The following TRAPPC9 variants were observed in gnomAD, a reference collection of about 807,000 sequenced individuals.
TRAPPC9 encodes trafficking protein particle complex subunit 9.
In TRAPPC9, 83 loss-of-function variants were observed where a neutral mutation model predicts 124.0. The ratio of observed to expected loss-of-function variants is 0.67; its 90% confidence interval spans 0.56 to 0.80. The LOEUF (loss-of-function observed/expected upper bound fraction) is 0.80. Among genes scored for constraint, TRAPPC9 ranks in the 30% least tolerant of loss-of-function variants. The pLI is 0.00. For synonymous variants in TRAPPC9, 638 were observed against 617.5 expected, an observed-to-expected ratio of 1.03 and a Z score of -0.49; for missense variants, 1,302 against 1,508.3, an observed-to-expected ratio of 0.86 and a Z score of 2.27.
intron 17 of TRAPPC9, among the ~76,000 whole-genome samples, chr8:140,194,180 T>A (rs540591491): frequency 2.0e-5 from 3 of 152,128 alleles, no homozygotes; most frequent in African/African-American, 7.2e-5. Flanking sequence ...CCCCTGTCTA[T>A]CTTTTCCGCC....
At chr8:139,834,427 G>T (rs931311760) in intron 21 of TRAPPC9, among the ~76,000 whole-genome samples, 1 of 152,230 alleles carries the variant, frequency 6.6e-6, no homozygotes, top group Non-Finnish European at 1.5e-5. Context: ...TGTTCACCAC[G>T]TGACATGCAC....
intron 9 of TRAPPC9, among the ~76,000 whole-genome samples, chr8:140,316,142 TCAGAATAGAAGAAA>T: frequency 6.6e-6 from 1 of 152,028 alleles, no homozygotes; most frequent in South Asian, 2.1e-4. Flanking sequence ...GACTGTGACA[TCAGAATAGAAGAAA>T]AACTTTCAGG....
At chr8:139,860,600 C>A (rs1828067026) in intron 21 of TRAPPC9, among the ~76,000 whole-genome samples, 1 of 146,374 alleles carries the variant, frequency 6.8e-6, no homozygotes, top group Non-Finnish European at 1.5e-5. Flanking sequence ...CTGTCTGAAG[C>A]CCAAACCTGG....
chr8:140,007,549 C>A (rs372299801), intron 18 of TRAPPC9, among the ~76,000 whole-genome samples: 5 of 151,890 alleles, frequency 3.3e-5, no homozygotes, highest in Non-Finnish European at 7.4e-5. Flanking sequence ...AACAAAGAAA[C>A]GAAGAGAACT....
At chr8:139,994,333 T>C (rs1332785544) in intron 18 of TRAPPC9, among the ~76,000 whole-genome samples, 3 of 152,212 alleles carry the variant, frequency 2.0e-5, no homozygotes, top group Non-Finnish European at 4.4e-5. Context: ...ACTGTGCGCC[T>C]GAGGCACAGA....
At chr8:139,857,535 G>A (rs934909628) in intron 21 of TRAPPC9, among the ~76,000 whole-genome samples, 8 of 152,182 alleles carry the variant, frequency 5.3e-5, no homozygotes, top group East Asian at 3.9e-4. Flanking sequence ...TCCAAGGCCC[G>A]TTCACTCTCA....
chr8:139,885,848 CA>C (rs1451242405), intron 21 of TRAPPC9, 30 bp downstream of exon 21: 1 of 1,548,664 alleles, frequency 6.5e-7, no homozygotes, highest in African/African-American at 1.4e-5. Context: ...CACATCCACC[CA>C]GAATCGATGG....
At position 139,859,444 on chromosome 8, in the gene TRAPPC9, C is replaced by T. The variant is rs538968205; in HGVS notation, c.3055+26435G>A. On this transcript the variant is annotated intron_variant, in intron 21 of 22. Coordinates refer to ENST00000438773, the MANE Select transcript of TRAPPC9 (RefSeq NM_001160372.4). Reference sequence around the variant, plus strand: ...CTGAATTTCTGCATAATAAAGTTCACGCTTCCAGAAATAGCAGAGGCATCT... The same window carrying T: ...CTGAATTTCTGCATAATAAAGTTCATGCTTCCAGAAATAGCAGAGGCATCT... 3.3e-5 allele frequency among the ~76,000 whole-genome samples: 5 copies of T among 152,292 alleles called. No homozygotes were observed. In the South Asian group the frequency reaches 8.3e-4, roughly 25 times the overall value.
chr8:140,297,949 T>C (rs552582475), intron 11 of TRAPPC9, among the ~76,000 whole-genome samples: 1 of 152,336 alleles, frequency 6.6e-6, no homozygotes, highest in East Asian at 1.9e-4. Context: ...AGGGTACTAA[T>C]GGGAACAGGA....
chr8:139,855,804 C>T (rs1037489282), intron 21 of TRAPPC9, among the ~76,000 whole-genome samples: 8 of 152,200 alleles, frequency 5.3e-5, no homozygotes, highest in African/African-American at 1.2e-4. Flanking sequence ...CCACTTGATG[C>T]GTGGTTTATA....
At chr8:139,899,665 T>A (rs1406546525) in intron 20 of TRAPPC9, among the ~76,000 whole-genome samples, 7 of 152,142 alleles carry the variant, frequency 4.6e-5, no homozygotes, top group Non-Finnish European at 1.0e-4. Flanking sequence ...CCCCATCCCA[T>A]CTTCCTTCTC....
rs114869664 is a variant in TRAPPC9, at chr8:140,221,421, A to G, written c.2556+38T>C. 4.1e-3 allele frequency: 6,664 copies of G among 1,613,040 alleles called. 140 individuals are homozygous for G. The African/African-American group carries it at 0.06, about 14-fold the overall frequency. ...CAGAAACGGCTTTGCAGAAGCCCGA[A>G]CGGCACGTGGCAGATGCCGTCTGCC... is the stretch of plus-strand genomic sequence containing the variant. On this transcript the variant is annotated intron_variant, in intron 17 of 22. Transcript: ENST00000438773.
At chr8:140,226,751 A>G (rs1422835069) in intron 16 of TRAPPC9, among the ~76,000 whole-genome samples, 1 of 152,136 alleles carries the variant, frequency 6.6e-6, no homozygotes, top group Non-Finnish European at 1.5e-5. Context: ...ACAGGAACCA[A>G]CTAAAAAACT....
intron 19 of TRAPPC9, among the ~76,000 whole-genome samples, chr8:139,917,167 C>CTTGTTTTTTTTTTT (rs1832194687): frequency 1.0e-5 from 1 of 99,926 alleles, no homozygotes; most frequent in East Asian, 3.4e-4. Context: ...TTATTATTTT[C>CTTGTTTTTTTTTTT]TTTTTTTTTT....
At chr8:140,356,709 A>G (rs1284248204) in intron 9 of TRAPPC9, among the ~76,000 whole-genome samples, 1 of 151,326 alleles carries the variant, frequency 6.6e-6, no homozygotes, top group Non-Finnish European at 1.5e-5. Context: ...TCCCGGGTTC[A>G]AGCGATTCTC....
Position 139,776,231 on chromosome 8 carries a change from C to T in TRAPPC9, c.3056-44029G>A, listed in dbSNP as rs1245793219. Among the ~76,000 whole-genome samples, 5 of 152,164 alleles carry T rather than the reference C, an allele frequency of 3.3e-5. No homozygotes were observed. Among genetic ancestry groups the T allele is most frequent in the Admixed American group, 6.5e-5 (1 of 15,282 alleles). On this transcript the variant is annotated intron_variant, in intron 21 of 22. Coordinates refer to ENST00000438773, the MANE Select transcript of TRAPPC9 (RefSeq NM_001160372.4). The surrounding 1 kb of genome is among the most constrained non-coding windows in gnomAD (Gnocchi z 4.1). ...ATCCTGCAGGCCTCCTGCACAGGGA[C>T]GCCAGGCTGCAGCCTCCCAGTCAGA...
intron 20 of TRAPPC9, among the ~76,000 whole-genome samples, chr8:139,909,636 C>G (rs1205814719): frequency 6.6e-6 from 1 of 152,246 alleles, no homozygotes. Context: ...AAGGAGTCAG[C>G]CATTGATCCA....
intron 17 of TRAPPC9, among the ~76,000 whole-genome samples, chr8:140,082,580 TAA>T (rs1268508253): frequency 6.6e-6 from 1 of 152,210 alleles, no homozygotes; most frequent in Non-Finnish European, 1.5e-5. Context: ...TAAAGGAATA[TAA>T]ATGACTGAAT....
At chr8:139,988,261 C>G (rs750219445) in intron 19 of TRAPPC9, among the ~76,000 whole-genome samples, 1 of 151,906 alleles carries the variant, frequency 6.6e-6, no homozygotes, top group Admixed American at 6.6e-5. Context: ...AACAGGCATG[C>G]ACCACCATGC....
Sources: allele counts gnomAD v4.1 joint callset (sites outside exome capture counted in the v4.1 genomes callset), GRCh38; gene constraint gnomAD v4.1.1; non-coding constraint Gnocchi (gnomAD v3.1); transcripts MANE v1.5; gene names NCBI Gene and HGNC (gene_info 2026-07-23, HGNC 2026-07-21).